PCGF3: variants seen among roughly 807,000 people sequenced by gnomAD.
PCGF3 encodes the protein polycomb group ring finger 3, also known as polycomb group RING finger protein 3.
In PCGF3, 7 loss-of-function variants were observed where a neutral mutation model predicts 33.1. The ratio of observed to expected loss-of-function variants is 0.21; its 90% CI spans 0.12 to 0.40. PCGF3 has a LOEUF of 0.40. Among genes scored for constraint, PCGF3 ranks in the 10% least tolerant of loss-of-function variants. The pLI, the probability that PCGF3 is intolerant of heterozygous loss-of-function variation, is 1.00. For missense variants in PCGF3, 211 were observed against 313.3 expected (o/e 0.67, Z 2.46); for synonymous variants, 153 against 121.3 (o/e 1.26, Z -1.72).
In PCGF3 at chr4:765,357, C is replaced by T. The variant is rs180932330; in HGVS notation, c.681+293C>T. On this transcript the variant is annotated intron_variant, in intron 10 of 10. Coordinates refer to ENST00000362003, the Ensembl canonical transcript of PCGF3. ...CTGAGGCAGGAGAATGGTGTGAACC[C>T]GGGAGACGAAGCTTGCAGTGAGCCA... is the stretch of plus-strand genomic sequence containing the variant. Among the ~76,000 whole-genome samples, 191 of 151,962 alleles carry T rather than the reference C, an allele frequency of 1.3e-3. No homozygotes were observed. In the Middle Eastern group the frequency reaches 0.014, roughly 11 times the overall value.
chr4:723,190 G>A (rs1046750274), intron 1 of PCGF3, among the ~76,000 whole-genome samples: 10 of 152,258 alleles, frequency 6.6e-5, no homozygotes, highest in African/African-American at 2.4e-4. Context: ...ATCCGCGCGG[G>A]GATGTGTCTG....
At chr4:724,777 G>A (rs1270382409) in intron 1 of PCGF3, among the ~76,000 whole-genome samples, 1 of 151,658 alleles carries the variant, frequency 6.6e-6, no homozygotes, top group Non-Finnish European at 1.5e-5. Context: ...CAGCCTGGGC[G>A]ACAGAGCGAG....
At chr4:716,282 CACTG>C (rs1232331474) in intron 1 of PCGF3, among the ~76,000 whole-genome samples, 1 of 137,070 alleles carries the variant, frequency 7.3e-6, no homozygotes, top group Non-Finnish European at 1.6e-5. Context: ...ACCCTGTAGA[CACTG>C]AGTGTGAGAA....
At chr4:714,964 T>G (rs113283633) in intron 1 of PCGF3, among the ~76,000 whole-genome samples, 2 of 151,650 alleles carry the variant, frequency 1.3e-5, no homozygotes, top group African/African-American at 2.4e-5. Context: ...GCTGGGACGC[T>G]GTAGACGCTG....
At chr4:734,171 TCA>T in intron 4 of PCGF3, 2 of 1,528,732 alleles carry the variant, frequency 1.3e-6, no homozygotes, top group Non-Finnish European at 8.9e-7. Context: ...ATGTGCGTCC[TCA>T]CACCTGATGA....
At chr4:763,599 C>T (rs1188119509) in intron 9 of PCGF3, among the ~76,000 whole-genome samples, 1 of 152,216 alleles carries the variant, frequency 6.6e-6, no homozygotes, top group East Asian at 1.9e-4. Flanking sequence ...GCCGGGAGCG[C>T]AGGTTCATTC....
At chr4:765,118 T>C (rs1745289082) in intron 10 of PCGF3, 54 bp downstream of exon 10, 2 of 1,221,534 alleles carry the variant, frequency 1.6e-6, no homozygotes, top group African/African-American at 3.0e-5. Flanking sequence ...GTGACTTTGC[T>C]GTGCATCTCT....
chr4:754,095 C>G (rs191946796), intron 8 of PCGF3, among the ~76,000 whole-genome samples: 1 of 152,126 alleles, frequency 6.6e-6, no homozygotes, highest in East Asian at 1.9e-4. Context: ...CATCTTCGCT[C>G]GTGCAGAGTT....
Position 765,979 on chromosome 4 carries a change from C to T in PCGF3, c.682-53C>T, listed in dbSNP as rs372714003. ...AGCACCCTTCCCGATGAAGTAGGTC[C>T]TTCTCGCCTCCACCCCTGCTAAGCA... On this transcript the variant is annotated intron_variant, in intron 10 of 10. Transcript: ENST00000362003. 9.0e-4 allele frequency: 1,409 copies of T among 1,561,572 alleles called. 1 individual carries two copies. Among genetic ancestry groups the T allele is most frequent in the Non-Finnish European group, 1.0e-3 (1,178 of 1,132,596 alleles).
chr4:767,773 C>G lies in PCGF3; in HGVS notation c.*1694C>G, dbSNP rs1745445421. 2.0e-5 allele frequency: 3 copies of G among 149,696 alleles called. No homozygotes were observed. In the East Asian group the frequency reaches 5.8e-4, roughly 29 times the overall value. 9.3% of individuals were successfully genotyped at this position (149,696 alleles called of 1,614,324 possible). ...AGGACGGTTTGAGTTACTCAGTTAC[C>G]TAAGCTTGCTATTCATCCAAATCAT... On this transcript the variant is annotated 3_prime_UTR_variant, in exon 11 of 11. Coordinates refer to ENST00000362003, the Ensembl canonical transcript of PCGF3.
At chr4:734,561 T>A (rs1373067926) in intron 4 of PCGF3, 1 of 1,167,852 alleles carries the variant, frequency 8.6e-7, no homozygotes, top group African/African-American at 1.6e-5. Context: ...TTTTATCTAG[T>A]TGTACGTAGA....
intron 1 of PCGF3, among the ~76,000 whole-genome samples, chr4:725,688 G>C (rs962006513): frequency 4.1e-5 from 6 of 145,458 alleles, no homozygotes; most frequent in African/African-American, 1.0e-4. Context: ...CGCTGTGGCT[G>C]TGTGGGCTGC....
chr4:750,807 T>G (rs2152603418), intron 8 of PCGF3, among the ~76,000 whole-genome samples: 1 of 152,252 alleles, frequency 6.6e-6, no homozygotes, highest in South Asian at 2.1e-4. Context: ...TTACGTAGTT[T>G]TGATGACTTG....
intron 4 of PCGF3, chr4:734,417 A>G: frequency 1.5e-6 from 2 of 1,333,424 alleles, no homozygotes; most frequent in Non-Finnish European, 1.9e-6. Flanking sequence ...GTACGCTTAT[A>G]ATACAAGTGA....
intron 8 of PCGF3, among the ~76,000 whole-genome samples, chr4:760,394 A>G (rs913857036): frequency 6.6e-6 from 1 of 151,802 alleles, no homozygotes; most frequent in Admixed American, 6.6e-5. Flanking sequence ...TAGGACATTA[A>G]TCTGTCCTCG....
intron 1 of PCGF3, among the ~76,000 whole-genome samples, chr4:712,593 C>G (rs531401267): frequency 6.6e-6 from 1 of 152,044 alleles, no homozygotes; most frequent in Non-Finnish European, 1.5e-5. Flanking sequence ...ATTACAGGCG[C>G]CTGCCACCAT....
At chr4:725,920 A>G (rs1402802100) in intron 1 of PCGF3, among the ~76,000 whole-genome samples, 1 of 152,008 alleles carries the variant, frequency 6.6e-6, no homozygotes, top group Non-Finnish European at 1.5e-5. Context: ...CCATTTCAGG[A>G]GCCCCAGGGC....
At chr4:743,659 G>T in intron 7 of PCGF3, 75 bp downstream of exon 7, 1 of 855,310 alleles carries the variant, frequency 1.2e-6, no homozygotes, top group South Asian at 1.5e-5. Context: ...AGCTGGCGCT[G>T]TCTGCCGGCC....
chr4:768,374 CCTT>C (rs1365793492), exon 11 of PCGF3: 5 of 152,296 alleles, frequency 3.3e-5, no homozygotes, highest in South Asian at 2.1e-4. Context: ...CTCTGGGCGG[CCTT>C]CTTTCCTTTC....
Sources: gnomAD v4.1 joint callset for allele counts (sites outside exome capture counted in the v4.1 genomes callset) on GRCh38, gnomAD v4.1.1 for gene constraint, MANE v1.5 for transcripts, NCBI Gene and HGNC (gene_info 2026-07-23, HGNC 2026-07-21) for gene names.